PES1: variants seen among roughly 807,000 people sequenced by gnomAD.
PES1 encodes pescadillo homolog.
PES1 carries 31 observed loss-of-function variants against 77.1 expected under a neutral mutation model. That is an observed-to-expected ratio of 0.40 (90% CI 0.30 to 0.54). PES1 has a LOEUF of 0.54. PES1 is among the 20% of genes least tolerant of loss of function. The pLI is 0.45. For synonymous variants in PES1, 282 were observed against 303.0 expected (o/e 0.93, Z 0.72); for missense variants, 658 against 771.7 (o/e 0.85, Z 1.75).
intron 2 of PES1, among the ~76,000 whole-genome samples, chr22:30,604,346 C>G (rs1168830940): frequency 6.6e-6 from 1 of 152,116 alleles, no homozygotes; most frequent in Non-Finnish European, 1.5e-5. Flanking sequence ...GAAATGTTTC[C>G]TGTTGGCCAG....
intron 12 of PES1, chr22:30,579,528 CTGA>C: frequency 1.4e-6 from 1 of 718,134 alleles, no homozygotes; most frequent in Non-Finnish European, 2.3e-6. Flanking sequence ...AATGTAAACT[CTGA>C]TGACAATGCA....
chr22:30,576,875 G>C lies in PES1; in HGVS notation c.*171C>G. The C allele has an allele frequency of 1.6e-6, 1 of 623,500 alleles. No individual in the cohort carries two copies. The allele number at this position is 623,500 out of a possible 1,614,324, so 38.6% of individuals were successfully genotyped here. A position where few individuals can be genotyped will look rare whatever the true frequency, so the allele number is the denominator to read the frequency against. On this transcript the variant is annotated 3_prime_UTR_variant, in exon 15 of 15. Coordinates refer to ENST00000354694, the MANE Select transcript of PES1 (RefSeq NM_014303.4). ...GCACCAGCAGGGCAGCTCCATCCAA[G>C]GGAAGCGAGGGCTGCCCACTGGCCC...
intron 1 of PES1, among the ~76,000 whole-genome samples, chr22:30,606,332 G>T (rs2087441572): frequency 6.6e-6 from 1 of 152,126 alleles, no homozygotes; most frequent in Non-Finnish European, 1.5e-5. Context: ...TTGGGTTCAA[G>T]CGATCCTCCT....
chr22:30,579,401 C>A, intron 12 of PES1, 98 bp from the exon 13 acceptor site: 1 of 1,570,474 alleles, frequency 6.4e-7, no homozygotes, highest in Non-Finnish European at 8.6e-7. Flanking sequence ...ACCCTGCCGT[C>A]TTTAGCCATG....
chr22:30,602,688 A>G, intron 2 of PES1, among the ~76,000 whole-genome samples: 1 of 151,980 alleles, frequency 6.6e-6, no homozygotes, highest in Non-Finnish European at 1.5e-5. Context: ...TCTTTGATGG[A>G]CTATGCTTTA....
chr22:30,582,464 A>T (rs2087002207), intron 6 of PES1, among the ~76,000 whole-genome samples: 1 of 152,206 alleles, frequency 6.6e-6, no homozygotes, highest in African/African-American at 2.4e-5. Flanking sequence ...GGGACACAGA[A>T]GGCTCATCTT....
Position 30,580,074 on chromosome 22 carries a change from T to C in PES1, c.1148A>G (p.Gln383Arg), listed in dbSNP as rs746358837. The part of the protein sequence containing the change: ...ITHQIVDRPG[Q>R]QTSVIGRCYV... ...CTACCTGCCAATGACTGAGGTCTGC[T>C]GCCCAGGCCGGTCGACAATCTGATG... Residue 383 changes from glutamine (Q) to arginine (R), a missense_variant, in exon 11 of 15, where the codon CAG (glutamine) becomes CGG (arginine). Coordinates refer to ENST00000354694, the MANE Select transcript of PES1 (RefSeq NM_014303.4). 4.3e-6 allele frequency: 7 copies of C among 1,613,974 alleles called. No individual in the cohort carries two copies. The African/African-American group carries it at 9.3e-5, about 22-fold the overall frequency.
intron 14 of PES1, among the ~76,000 whole-genome samples, chr22:30,578,334 G>A (rs1161302473): frequency 6.6e-6 from 1 of 152,068 alleles, no homozygotes; most frequent in Non-Finnish European, 1.5e-5. Flanking sequence ...CCAAACACGG[G>A]TCATTATGGG....
intron 2 of PES1, among the ~76,000 whole-genome samples, chr22:30,600,983 T>A (rs1186571840): frequency 6.6e-6 from 1 of 152,252 alleles, no homozygotes; most frequent in Non-Finnish European, 1.5e-5. Flanking sequence ...TGGATTACCT[T>A]TGTGGATCAG....
At chr22:30,578,211 GAC>G (rs1365078645) in intron 14 of PES1, among the ~76,000 whole-genome samples, 2 of 152,208 alleles carry the variant, frequency 1.3e-5, no homozygotes, top group Admixed American at 1.3e-4. Flanking sequence ...GAACCTGTGA[GAC>G]ACAGTTTGCA....
At chr22:30,577,478 T>A (rs1047029813) in intron 14 of PES1, among the ~76,000 whole-genome samples, 3 of 152,200 alleles carry the variant, frequency 2.0e-5, no homozygotes, top group Admixed American at 2.0e-4. Flanking sequence ...AAGAACCTTC[T>A]TTCCGGGGTC....
In PES1 at chr22:30,577,082, C is replaced by T. The variant is rs1353201109; in HGVS notation, c.1731G>A (p.Arg577=). ...TTGCCTTCTTGGCCTTCTTCTCAGA[C>T]CTCACCGCCTCATCGTGGGCTTTCC... ...EKRKAHDEAV[R]SEKKAKKARP... The change falls in exon 15 of 15, where the codon AGG becomes AGA. Residue 577 remains arginine (R), a synonymous_variant. Coordinates refer to ENST00000354694, the MANE Select transcript of PES1 (RefSeq NM_014303.4). The T allele has an allele frequency of 6.2e-7, 1 of 1,614,124 alleles. No homozygotes were observed. Among genetic ancestry groups the T allele is most frequent in the East Asian group, 2.2e-5 (1 of 44,882 alleles).
chr22:30,578,696 G>T, intron 14 of PES1, 141 bp downstream of exon 14: 1 of 981,250 alleles, frequency 1.0e-6, no homozygotes, highest in Non-Finnish European at 1.5e-6. Flanking sequence ...CCAAAGGCTG[G>T]GCTGGGCCAG....
chr22:30,604,385 T>C (rs762740379), intron 2 of PES1, among the ~76,000 whole-genome samples: 4 of 152,036 alleles, frequency 2.6e-5, no homozygotes, highest in Non-Finnish European at 4.4e-5. Flanking sequence ...GTAATCCCAA[T>C]ACTTCGGGAG....
chr22:30,592,729 A>G (rs1226661669), upstream of PES1, among the ~76,000 whole-genome samples: 1 of 152,198 alleles, frequency 6.6e-6, no homozygotes, highest in Non-Finnish European at 1.5e-5. Context: ...CCTGGGAGGC[A>G]GAGGTTGCAG....
In PES1 at chr22:30,579,120, A is replaced by G. The variant is rs755879240; in HGVS notation, c.1521+17T>C. On this transcript the variant is annotated intron_variant, in intron 13 of 14. Coordinates refer to ENST00000354694, the MANE Select transcript of PES1 (RefSeq NM_014303.4). Reference sequence around the variant, plus strand: ...GGCTGCTTCCCAGGCCAAGCCCCGCATTGCAGCTCCCCCTACCTTCCCCTC... The same window carrying G: ...GGCTGCTTCCCAGGCCAAGCCCCGCGTTGCAGCTCCCCCTACCTTCCCCTC... The G allele has an allele frequency of 1.2e-6, 2 of 1,607,660 alleles. No homozygotes were observed. Among genetic ancestry groups the G allele is most frequent in the East Asian group, 4.5e-5 (2 of 44,866 alleles).
Position 30,579,798 on chromosome 22 carries a change from G to A in PES1, c.1307C>T (p.Pro436Leu), listed in dbSNP as rs1002993573. ...AGCCAGCAGCTTCAGCTTCTCAGGT[G>A]GAACGTAATCTCCTTCCTTCTCGGT... ...FVTEKEGDYVPPEKLKLLALQ... is the reference protein window; with the variant it reads ...FVTEKEGDYVLPEKLKLLALQ... Residue 436 changes from proline (P) to leucine (L), a missense_variant, in exon 12 of 15, where the codon CCA becomes CTA. Pro to Leu is a moderately conservative substitution (Grantham distance 98, BLOSUM62 -3). Transcript: ENST00000354694. 3 of 1,613,996 alleles carry A rather than the reference G, an allele frequency of 1.9e-6. No homozygotes were observed. The highest frequency in any genetic ancestry group is 1.3e-5 in the African/African-American group (1 of 75,038).
chr22:30,581,334 C>T lies in PES1; in HGVS notation c.822G>A (p.Glu274=). The change falls in exon 8 of 15, where the codon GAG becomes GAA. Residue 274 remains glutamate (E), a splice_region_variant and synonymous_variant. Coordinates refer to ENST00000354694, the MANE Select transcript of PES1 (RefSeq NM_014303.4). ...GGATGATGCTCCTGGAGCCTCTCAC[C>T]TCCATACAACTCTCGGAGTCCAACG... The part of the protein sequence containing the change: ...TYALDSESCM[E]KLAALSASLA... 1 of 1,613,656 alleles carries T rather than the reference C, an allele frequency of 6.2e-7. No individual in the cohort carries two copies. Among genetic ancestry groups the T allele is most frequent in the East Asian group, 2.2e-5 (1 of 44,880 alleles).
intron 1 of PES1, among the ~76,000 whole-genome samples, chr22:30,589,623 T>G (rs2087149168): frequency 6.6e-6 from 1 of 152,206 alleles, no homozygotes; most frequent in African/African-American, 2.4e-5. Context: ...GTAGGTGCTG[T>G]CCGAACGTCC....
Sources: gnomAD v4.1 joint callset for allele counts (sites outside exome capture counted in the v4.1 genomes callset) on GRCh38, gnomAD v4.1.1 for gene constraint, MANE v1.5 for transcripts, NCBI Gene and HGNC (gene_info 2026-07-23, HGNC 2026-07-21) for gene names.